The following FNTA variants were observed in gnomAD, a reference collection of about 807,000 sequenced individuals.
FNTA encodes farnesyltransferase, CAAX box, subunit alpha.
FNTA carries 27 observed loss-of-function variants against 55.2 expected under a neutral mutation model. That is an observed-to-expected ratio of 0.49 (90% confidence interval 0.36 to 0.67). The LOEUF is 0.67. FNTA is among the 30% of genes least tolerant of loss of function. The probability of loss-of-function intolerance (pLI) is 0.00; values close to 1 mark genes in which losing one functional copy is unlikely to be tolerated. For missense variants in FNTA, 422 were observed against 464.7 expected (o/e 0.91, Z 0.85); for synonymous variants, 176 against 170.7 (o/e 1.03, Z -0.24).
rs778186592 is a variant in FNTA, at chr8:43,085,281, A to G, written c.1139A>G (p.Ter380=). 3 of 1,600,728 alleles carry G rather than the reference A, an allele frequency of 1.9e-6. No homozygotes were observed. The highest frequency in any genetic ancestry group is 1.7e-6 in the Non-Finnish European group (2 of 1,177,394). ...ENDSPTNVQQ[*] is the part of the protein sequence containing the mutation. Reference sequence around the variant, plus strand: ...GACTCACCAACAAATGTACAGCAATAACACCATCCAGAAGAACTTGATGGA... The same window carrying G: ...GACTCACCAACAAATGTACAGCAATGACACCATCCAGAAGAACTTGATGGA... The change falls in exon 9 of 9, where the codon TAA becomes TGA. Residue 380 remains the stop codon, a stop_retained_variant. Transcript: ENST00000302279.
chr8:43,064,893 GTGGCACGATC>G (rs1436047736), intron 3 of FNTA, among the ~76,000 whole-genome samples: 1 of 147,972 alleles, frequency 6.8e-6, no homozygotes, highest in African/African-American at 2.5e-5. Flanking sequence ...CTGGAGTGCA[GTGGCACGATC>G]TTGGCTCACT....
At chr8:43,072,972 T>A (rs1471650491) in intron 5 of FNTA, among the ~76,000 whole-genome samples, 3 of 152,304 alleles carry the variant, frequency 2.0e-5, no homozygotes, top group Non-Finnish European at 2.9e-5. Context: ...TTACAGTAAC[T>A]TAAGTTTTTT....
chr8:43,081,299 ACCTAGATAATAATGTTACAGGCATTG>A (rs1315579768), intron 6 of FNTA: 1 of 152,144 alleles, frequency 6.6e-6, no homozygotes, highest in African/African-American at 2.4e-5. Context: ...ATACACAGCA[ACCTAGATAATAATGTTACAGGCATTG>A]CCTTTTCAGT....
chr8:43,083,439 G>A (rs934476719), intron 7 of FNTA, among the ~76,000 whole-genome samples: 2 of 152,158 alleles, frequency 1.3e-5, no homozygotes, highest in African/African-American at 4.8e-5. Flanking sequence ...TAAGAATCCT[G>A]TAGTCTTTAT....
rs1739681343 is a variant in FNTA, at chr8:43,064,127, G to A, written c.313G>A (p.Ala105Thr). The change falls in exon 3 of 9, where the codon GCT becomes ACT. Residue 105 changes from alanine to threonine, a missense_variant. Physicochemically the swap from Ala to Thr is moderately conservative, Grantham distance 58. This residue lies in a region of FNTA where 262 missense variants were observed against 343.1 expected (regional missense o/e 0.76). Transcript: ENST00000302279. ...TAGAGATGTTTATGATTACTTCCGA[G>A]CTGTCCTGCAGCGTGATGAAAGAAG... is the stretch of plus-strand genomic sequence containing the variant. Reference protein sequence around the residue: ...KFRDVYDYFRAVLQRDERSER... With the variant: ...KFRDVYDYFRTVLQRDERSER... 1 of 1,613,426 alleles carries A rather than the reference G, an allele frequency of 6.2e-7. No individual in the cohort carries two copies. Among genetic ancestry groups the A allele is most frequent in the African/African-American group, 1.3e-5 (1 of 74,906 alleles).
At position 43,056,326 on chromosome 8, in the gene FNTA, T is replaced by C; in HGVS notation, c.-21T>C. On this transcript the variant is annotated 5_prime_UTR_variant, in exon 1 of 9. Transcript: ENST00000302279. The stretch of plus-strand genomic sequence containing the variant: ...GAGGGGCGGGGCCTCCGCCACCACC[T>C]CAGCTGCGGACCGAGGCGAGATGGC... 1 of 1,392,000 alleles carries C rather than the reference T, an allele frequency of 7.2e-7. No individual in the cohort carries two copies. 86.2% of individuals were successfully genotyped at this position (1,392,000 alleles called of 1,614,324 possible).
chr8:43,058,356 A>C (rs191426099), intron 1 of FNTA, among the ~76,000 whole-genome samples: 2 of 152,200 alleles, frequency 1.3e-5, no homozygotes, highest in African/African-American at 4.8e-5. Flanking sequence ...TGAGTAAATT[A>C]ATAGTACTTA....
intron 7 of FNTA, among the ~76,000 whole-genome samples, chr8:43,083,472 C>T (rs1326337559): frequency 6.6e-6 from 1 of 152,134 alleles, no homozygotes; most frequent in Admixed American, 6.5e-5. Flanking sequence ...AACACACACA[C>T]CCCCAGGCTC....
intron 6 of FNTA, chr8:43,082,790 A>C (rs1346413713): frequency 1.1e-5 from 2 of 176,404 alleles, no homozygotes; most frequent in Non-Finnish European, 2.4e-5. Flanking sequence ...GCTCATGCCT[A>C]TAATCCCAGC....
chr8:43,077,924 C>A (rs1810947307), intron 6 of FNTA: 1 of 152,138 alleles, frequency 6.6e-6, no homozygotes, highest in Non-Finnish European at 1.5e-5. Context: ...ACATTAGTAG[C>A]CACGATTTTT....
intron 6 of FNTA, 91 bp downstream of exon 6, chr8:43,077,455 C>A: frequency 1.0e-6 from 1 of 984,176 alleles, no homozygotes; most frequent in Non-Finnish European, 1.5e-6. Flanking sequence ...GATCAAGATC[C>A]TACCCCATGG....
chr8:43,069,749 ATT>A, intron 4 of FNTA, 90 bp downstream of exon 4: 1 of 740,724 alleles, frequency 1.4e-6, no homozygotes, highest in Non-Finnish European at 2.3e-6. Context: ...GGTTCAAGTG[ATT>A]CTCCAGCTTC....
chr8:43,066,579 G>A (rs1586655602), intron 3 of FNTA, among the ~76,000 whole-genome samples: 2 of 96,288 alleles, frequency 2.1e-5, no homozygotes, highest in East Asian at 6.0e-4. Flanking sequence ...TTTTTAAATA[G>A]CATCGTTCGT....
chr8:43,065,367 C>G (rs1023284128), intron 3 of FNTA, among the ~76,000 whole-genome samples: 1 of 152,066 alleles, frequency 6.6e-6, no homozygotes, highest in African/African-American at 2.4e-5. Context: ...CCTGCCTCAG[C>G]CTCCCAGGTA....
In FNTA at chr8:43,069,614, A is replaced by G. The variant is rs1776725726; in HGVS notation, c.461A>G (p.Tyr154Cys). Reference sequence around the variant, plus strand: ...AAGGATCTACATGAGGAAATGAACTACATCACTGCAATAATTGAGGAGCAG... The same window carrying G: ...AAGGATCTACATGAGGAAATGAACTGCATCACTGCAATAATTGAGGAGCAG... ...LQKDLHEEMN[Y>C]ITAIIEEQPK... is the part of the protein sequence containing the mutation. The change falls in exon 4 of 9, where the codon TAC becomes TGC. Residue 154 changes from tyrosine (Y) to cysteine (C), a missense_variant. This residue lies in a region of FNTA where 262 missense variants were observed against 343.1 expected (regional missense o/e 0.76). Transcript: ENST00000302279. 6.2e-7 allele frequency: 1 copy of G among 1,613,702 alleles called. No homozygotes were observed. The highest frequency in any genetic ancestry group is 1.3e-5 in the African/African-American group (1 of 75,038).
intron 4 of FNTA, among the ~76,000 whole-genome samples, chr8:43,070,996 T>C (rs1366805017): frequency 6.6e-6 from 1 of 152,226 alleles, no homozygotes; most frequent in Admixed American, 6.5e-5. Flanking sequence ...TTTGGAAACC[T>C]TCTGTCTAGG....
chr8:43,069,390 G>A (rs1339087746), intron 3 of FNTA, among the ~76,000 whole-genome samples, 165 bp from the exon 4 acceptor site: 2 of 152,038 alleles, frequency 1.3e-5, no homozygotes, highest in Non-Finnish European at 2.9e-5. Context: ...AAAGTGCTGG[G>A]ATTACAAGCA....
At chr8:43,061,559 T>C (rs1810530485) in intron 2 of FNTA, among the ~76,000 whole-genome samples, 1 of 152,218 alleles carries the variant, frequency 6.6e-6, no homozygotes, top group African/African-American at 2.4e-5. Context: ...ATGTCTATCT[T>C]TTGGAGAAAT....
chr8:43,077,453 T>C, intron 6 of FNTA, 89 bp downstream of exon 6: 1 of 997,664 alleles, frequency 1.0e-6, no homozygotes, highest in Admixed American at 2.3e-5. Flanking sequence ...CAGATCAAGA[T>C]CCTACCCCAT....
Sources: allele counts gnomAD v4.1 joint callset (sites outside exome capture counted in the v4.1 genomes callset), GRCh38; gene constraint gnomAD v4.1.1; regional missense constraint gnomAD v4.1.1; transcripts MANE v1.5; gene names NCBI Gene and HGNC (gene_info 2026-07-23, HGNC 2026-07-21).